The following SNX24 variants were observed in gnomAD, a reference collection of about 807,000 sequenced individuals.
SNX24 encodes the protein sorting nexin 24.
SNX24 carries 22 observed loss-of-function variants against 28.7 expected under a neutral mutation model. That is an observed-to-expected ratio of 0.77 (90% confidence interval 0.55 to 1.10). SNX24 has a LOEUF of 1.10. SNX24 is among the 50% of genes least tolerant of loss of function. The pLI is 0.00. For synonymous variants in SNX24, 69 were observed against 71.5 expected (o/e 0.96, Z 0.18); for missense variants, 221 against 201.1 (o/e 1.10, Z -0.60).
intron 6 of SNX24, among the ~76,000 whole-genome samples, chr5:123,002,619 G>A (rs1371113353): frequency 2.0e-5 from 3 of 152,186 alleles, no homozygotes; most frequent in Non-Finnish European, 2.9e-5. Flanking sequence ...GCGACAGAGC[G>A]AGACTCCGTC....
At chr5:122,858,699 G>A (rs1755318377) in intron 1 of SNX24, among the ~76,000 whole-genome samples, 1 of 152,162 alleles carries the variant, frequency 6.6e-6, no homozygotes, top group African/African-American at 2.4e-5. Flanking sequence ...TCTTGGATTT[G>A]TGCCAATCTG....
At chr5:122,888,565 T>A (rs930388015) in intron 1 of SNX24, among the ~76,000 whole-genome samples, 2 of 152,220 alleles carry the variant, frequency 1.3e-5, no homozygotes, top group Non-Finnish European at 2.9e-5. Flanking sequence ...ACAAATATAT[T>A]CAGAATATTG....
chr5:122,936,704 T>G, intron 1 of SNX24, 30 bp from the exon 2 acceptor site: 1 of 1,275,772 alleles, frequency 7.8e-7, no homozygotes, highest in Non-Finnish European at 1.1e-6. Context: ...TTTGAACTAA[T>G]ATAATTAATC....
chr5:123,020,245 G>A (rs988571340), intron 5 of SNX24, among the ~76,000 whole-genome samples: 1 of 152,076 alleles, frequency 6.6e-6, no homozygotes, highest in Non-Finnish European at 1.5e-5. Context: ...AAAGAGAATT[G>A]TTTTCTTTTT....
chr5:122,951,636 A>G (rs547092285), intron 3 of SNX24, among the ~76,000 whole-genome samples: 13 of 152,374 alleles, frequency 8.5e-5, no homozygotes, highest in Admixed American at 8.5e-4. Context: ...ACAGAAACTT[A>G]AGAATGAATA....
At chr5:123,009,252 T>C, downstream of SNX24, 3 of 982,966 alleles carry the variant, frequency 3.1e-6, no homozygotes, top group Non-Finnish European at 3.6e-6. Flanking sequence ...ACATGGTTTG[T>C]ATCTGTCTGT....
intron 1 of SNX24, among the ~76,000 whole-genome samples, chr5:122,893,312 T>C (rs1269665819): frequency 6.6e-6 from 1 of 152,062 alleles, no homozygotes; most frequent in African/African-American, 2.4e-5. Context: ...CCATTTCTTA[T>C]GTTTTGTCCA....
At chr5:122,964,307 TCA>T (rs1282175924) in intron 3 of SNX24, among the ~76,000 whole-genome samples, 5 of 145,372 alleles carry the variant, frequency 3.4e-5, no homozygotes, top group African/African-American at 1.0e-4. Context: ...AGTTTTTGCC[TCA>T]CAGGGAACAT....
At chr5:123,020,279 C>T (rs1418983081) in intron 5 of SNX24, among the ~76,000 whole-genome samples, 16 of 151,798 alleles carry the variant, frequency 1.1e-4, no homozygotes, top group Admixed American at 1.0e-3. Context: ...AGAAATGTAC[C>T]CTAGAGAAAA....
chr5:123,018,383 G>A (rs368564057), intron 5 of SNX24, among the ~76,000 whole-genome samples: 1 of 151,994 alleles, frequency 6.6e-6, no homozygotes. Context: ...GAAGAAAAAC[G>A]GTCATTTTCA....
chr5:122,978,583 C>T (rs1761261286), intron 3 of SNX24, among the ~76,000 whole-genome samples: 1 of 152,134 alleles, frequency 6.6e-6, no homozygotes, highest in African/African-American at 2.4e-5. Flanking sequence ...AGGAAACAGT[C>T]TTCAATTGAG....
At chr5:122,851,146 T>C (rs1754900203) in intron 1 of SNX24, among the ~76,000 whole-genome samples, 1 of 152,152 alleles carries the variant, frequency 6.6e-6, no homozygotes, top group African/African-American at 2.4e-5. Flanking sequence ...TATGAATGTA[T>C]TAGACTTGAG....
At chr5:122,934,083 C>T (rs1759082706) in intron 1 of SNX24, among the ~76,000 whole-genome samples, 1 of 152,056 alleles carries the variant, frequency 6.6e-6, no homozygotes, top group Admixed American at 6.5e-5. Flanking sequence ...GTGCTGAATC[C>T]CAGAGCCTAG....
intron 1 of SNX24, among the ~76,000 whole-genome samples, chr5:122,879,662 T>G (rs905747036): frequency 6.6e-6 from 1 of 151,678 alleles, no homozygotes; most frequent in African/African-American, 2.4e-5. Context: ...AATAACAAAT[T>G]TAATCAATTT....
In SNX24 at chr5:122,849,537, A is replaced by G. The variant is rs547073943; in HGVS notation, c.60+3844A>G. On this transcript the variant is annotated intron_variant, in intron 1 of 6. Transcript: ENST00000261369. ...TTTTGCTAGGATTGTGAATTTTAGA[A>G]AGAGGAAATACAGGACAAAATCTTA... is the stretch of plus-strand genomic sequence containing the variant. Among the ~76,000 whole-genome samples, 3 of 151,520 alleles carry G rather than the reference A, an allele frequency of 2.0e-5. No individual in the cohort carries two copies. In the South Asian group the frequency reaches 6.2e-4, roughly 32 times the overall value.
In SNX24 at chr5:122,946,031, T is replaced by TCTTTTC. The variant is rs766494573; in HGVS notation, c.145-21_145-16dup. 15 of 1,315,456 alleles carry TCTTTTC rather than the reference T, an allele frequency of 1.1e-5. No individual in the cohort carries two copies. In the East Asian group the frequency reaches 3.3e-4, roughly 29 times the overall value. The allele number at this position is 1,315,456 out of a possible 1,614,324, so 81.5% of individuals were successfully genotyped here. On this transcript the variant is annotated intron_variant, in intron 2 of 6. Coordinates refer to ENST00000261369, the MANE Select transcript of SNX24 (RefSeq NM_014035.4). ...ACATCTCTGTTTTTTTTTTTCTTTT[T>TCTTTTC]CTTTTCCTATTCTGTCTTTATAGCT...
intron 1 of SNX24, among the ~76,000 whole-genome samples, chr5:122,933,777 C>T (rs995587852): frequency 6.6e-6 from 1 of 151,622 alleles, no homozygotes; most frequent in Non-Finnish European, 1.5e-5. Context: ...CAGTCCTTGT[C>T]CACCCACAGC....
intron 1 of SNX24, among the ~76,000 whole-genome samples, chr5:122,932,823 C>T (rs566928817): frequency 9.5e-4 from 137 of 144,234 alleles, no homozygotes; most frequent in African/African-American, 3.4e-3. Context: ...TGCACCACTG[C>T]GCTCCAGCCG....
intron 3 of SNX24, among the ~76,000 whole-genome samples, chr5:122,955,180 TG>T (rs1294049019): frequency 6.6e-6 from 1 of 152,148 alleles, no homozygotes; most frequent in Non-Finnish European, 1.5e-5. Context: ...TTAAGGTTTT[TG>T]TATCAGTTAT....
Sources: allele counts gnomAD v4.1 joint callset (sites outside exome capture counted in the v4.1 genomes callset), GRCh38; gene constraint gnomAD v4.1.1; transcripts MANE v1.5; gene names NCBI Gene and HGNC (gene_info 2026-07-23, HGNC 2026-07-21).